Variants in LRGUK observed in about 807,000 individuals in gnomAD.
LRGUK encodes leucine rich repeats and guanylate kinase domain containing.
A neutral mutation model predicts 76.0 loss-of-function variants in LRGUK; 65 were observed. That is an observed-to-expected ratio of 0.85 (90% CI 0.70 to 1.05). The LOEUF is 1.05. Among genes scored for constraint, LRGUK ranks in the 50% least tolerant of loss-of-function variants. The pLI is 0.00. For synonymous variants in LRGUK, 268 were observed against 265.6 expected (o/e 1.01, Z -0.09); for missense variants, 758 against 732.8 (o/e 1.03, Z -0.40).
At chr7:134,247,140 C>T (rs978792824) in intron 16 of LRGUK, among the ~76,000 whole-genome samples, 7 of 152,010 alleles carry the variant, frequency 4.6e-5, no homozygotes, top group African/African-American at 7.2e-5. Flanking sequence ...TTCCTATTTC[C>T]GGATCATAAT....
exon 16 of LRGUK, chr7:134,209,118 C>A: frequency 2.5e-6 from 1 of 399,146 alleles, no homozygotes; most frequent in Non-Finnish European, 4.4e-6. Context: ...CCCATCACCC[C>A]GACCCTGGTG....
intron 15 of LRGUK, among the ~76,000 whole-genome samples, chr7:134,201,991 G>T (rs547303811): frequency 1.3e-5 from 2 of 152,236 alleles, no homozygotes; most frequent in East Asian, 1.9e-4. Context: ...AAAATACTGT[G>T]CTGCGGAATA....
intron 15 of LRGUK, among the ~76,000 whole-genome samples, chr7:134,215,487 C>T (rs1801411953): frequency 6.6e-6 from 1 of 152,090 alleles, no homozygotes; most frequent in Non-Finnish European, 1.5e-5. Flanking sequence ...ATCATTTATG[C>T]TGAATTCTTC....
At chr7:134,147,646 A>G (rs1483307609) in intron 4 of LRGUK, among the ~76,000 whole-genome samples, 1 of 152,178 alleles carries the variant, frequency 6.6e-6, no homozygotes, top group Admixed American at 6.5e-5. Flanking sequence ...AATAAATGCT[A>G]AAAGTGGAGA....
At chr7:134,134,004 G>A (rs2116807223) in intron 1 of LRGUK, among the ~76,000 whole-genome samples, 1 of 152,014 alleles carries the variant, frequency 6.6e-6, no homozygotes, top group South Asian at 2.1e-4. Context: ...TGAGGCTTCA[G>A]TGAACTGAGA....
chr7:134,240,750 G>A (rs1257277866), intron 16 of LRGUK, among the ~76,000 whole-genome samples: 1 of 152,142 alleles, frequency 6.6e-6, no homozygotes, highest in Non-Finnish European at 1.5e-5. Flanking sequence ...ACACTTAATT[G>A]TCAGATTCAC....
chr7:134,136,435 T>C (rs1473806754), intron 1 of LRGUK, among the ~76,000 whole-genome samples: 1 of 152,206 alleles, frequency 6.6e-6, no homozygotes, highest in Non-Finnish European at 1.5e-5. Context: ...TTTAGAGAGA[T>C]AATTGCCTTA....
chr7:134,226,911 G>T (rs1344186000), intron 16 of LRGUK, among the ~76,000 whole-genome samples: 1 of 152,116 alleles, frequency 6.6e-6, no homozygotes, highest in South Asian at 2.1e-4. Context: ...TCCTTTGGGC[G>T]ATCATCAGCA....
At chr7:134,249,843 C>T (rs1802400715) in intron 18 of LRGUK, among the ~76,000 whole-genome samples, 1 of 152,166 alleles carries the variant, frequency 6.6e-6, no homozygotes, top group Non-Finnish European at 1.5e-5. Context: ...CTGCAGCTGA[C>T]CATCTCGCTG....
At chr7:134,163,368 G>C (rs1244212730) in intron 6 of LRGUK, 29 bp from the exon 7 acceptor site, 2 of 1,585,302 alleles carry the variant, frequency 1.3e-6, no homozygotes, top group East Asian at 2.2e-5. Flanking sequence ...AGGTCTTTGA[G>C]ACATTAAATA....
intron 15 of LRGUK, among the ~76,000 whole-genome samples, chr7:134,217,973 T>C (rs192246908): frequency 6.8e-4 from 103 of 152,298 alleles, no homozygotes; most frequent in Non-Finnish European, 1.3e-3. Context: ...TTGTTGTTTT[T>C]AGATGGAGTC....
chr7:134,229,610 C>T (rs1319963162), intron 16 of LRGUK, among the ~76,000 whole-genome samples: 1 of 152,072 alleles, frequency 6.6e-6, no homozygotes, highest in Non-Finnish European at 1.5e-5. Flanking sequence ...TCAAATAGGT[C>T]TATACGCTCA....
intron 19 of LRGUK, 86 bp downstream of exon 19, chr7:134,258,491 A>G: frequency 7.6e-7 from 1 of 1,316,044 alleles, no homozygotes; most frequent in Non-Finnish European, 1.0e-6. Context: ...TGACGTCAGG[A>G]GTTCGAGACC....
intron 5 of LRGUK, among the ~76,000 whole-genome samples, chr7:134,151,517 G>A (rs972346684): frequency 7.9e-5 from 12 of 151,974 alleles, no homozygotes; most frequent in African/African-American, 2.7e-4. Flanking sequence ...CAAAACAGAA[G>A]GCATATTCAC....
intron 7 of LRGUK, among the ~76,000 whole-genome samples, chr7:134,169,654 C>T (rs1357807351): frequency 6.6e-6 from 1 of 151,842 alleles, no homozygotes; most frequent in Non-Finnish European, 1.5e-5. Context: ...TTGGGATTTA[C>T]TTTTGTGGGT....
chr7:134,129,711 G>T (rs1797220018), intron 1 of LRGUK, among the ~76,000 whole-genome samples: 1 of 151,672 alleles, frequency 6.6e-6, no homozygotes, highest in Non-Finnish European at 1.5e-5. Flanking sequence ...CTGGGCTCAA[G>T]AAATCAGGCC....
chr7:134,271,583 A>G, the LRGUK span, among the ~76,000 whole-genome samples: 2 of 151,690 alleles, frequency 1.3e-5, no homozygotes, highest in African/African-American at 4.8e-5. Context: ...AAATGCTTGG[A>G]TTTATGTATC....
chr7:134,270,867 T>C, the LRGUK span, among the ~76,000 whole-genome samples: 158 of 152,190 alleles, frequency 1.0e-3, 1 homozygote, highest in Non-Finnish European at 1.9e-3. Context: ...TGCTGTGTTA[T>C]AGGTATACAA....
chr7:134,190,205 T>C (rs1383739197), intron 11 of LRGUK, among the ~76,000 whole-genome samples: 2 of 152,216 alleles, frequency 1.3e-5, no homozygotes, highest in Non-Finnish European at 2.9e-5. Context: ...TCTCTTATTT[T>C]ATTTTATTAT....
Sources: gnomAD v4.1 joint callset for allele counts (sites outside exome capture counted in the v4.1 genomes callset) on GRCh38, gnomAD v4.1.1 for gene constraint, MANE v1.5 for transcripts, NCBI Gene and HGNC (gene_info 2026-07-23, HGNC 2026-07-21) for gene names.